GRXCR2: variants seen among roughly 807,000 people sequenced by gnomAD.
GRXCR2 encodes the protein glutaredoxin and cysteine rich domain containing 2.
GRXCR2 carries 23 observed loss-of-function variants against 24.8 expected under a neutral mutation model. The ratio of observed to expected loss-of-function variants is 0.93; its 90% CI spans 0.67 to 1.32. The LOEUF is 1.32. Ranked by LOEUF, GRXCR2 falls within the 40% of genes most tolerant of loss-of-function variation. The pLI is 0.00. For missense variants in GRXCR2, 315 were observed against 303.4 expected (o/e 1.04, Z -0.28); for synonymous variants, 130 against 116.1 (o/e 1.12, Z -0.77).
At chr5:145,925,841 GA>G (rs907263391) in intron 2 of GRXCR2, among the ~76,000 whole-genome samples, 3 of 151,740 alleles carry the variant, frequency 2.0e-5, no homozygotes, top group African/African-American at 4.8e-5. Context: ...TTTAATAAGG[GA>G]AAAAAATTTG....
At chr5:145,893,699 C>G (rs1309075492) in intron 2 of GRXCR2, among the ~76,000 whole-genome samples, 7 of 152,094 alleles carry the variant, frequency 4.6e-5, no homozygotes, top group Non-Finnish European at 7.3e-5. Context: ...CTTTAACACC[C>G]CACTGTCAAC....
At chr5:145,874,145 A>G (rs906608181), upstream of GRXCR2, among the ~76,000 whole-genome samples, 3 of 152,126 alleles carry the variant, frequency 2.0e-5, no homozygotes. Flanking sequence ...GAGTTACCCA[A>G]ATTGACCCCT....
intron 2 of GRXCR2, among the ~76,000 whole-genome samples, chr5:145,892,380 C>T (rs545641893): frequency 6.6e-6 from 1 of 152,028 alleles, no homozygotes; most frequent in African/African-American, 2.4e-5. Flanking sequence ...AGTTAAAGAC[C>T]TTGAAAAAAA....
intron 2 of GRXCR2, among the ~76,000 whole-genome samples, chr5:145,915,276 T>A (rs1327981847): frequency 1.3e-5 from 2 of 152,146 alleles, no homozygotes; most frequent in Admixed American, 1.3e-4. Context: ...GAATGGTTAT[T>A]TTTGGGTAGT....
chr5:145,911,269 T>C (rs1205801063), intron 2 of GRXCR2, among the ~76,000 whole-genome samples: 1 of 152,154 alleles, frequency 6.6e-6, no homozygotes, highest in Non-Finnish European at 1.5e-5. Context: ...CTTGCTTAAA[T>C]CAGAGAAGAT....
chr5:145,921,031 A>C (rs1428054666), intron 2 of GRXCR2, among the ~76,000 whole-genome samples: 1 of 152,240 alleles, frequency 6.6e-6, no homozygotes, highest in Non-Finnish European at 1.5e-5. Context: ...GTTGTTTATA[A>C]GCCACCCAGT....
intron 2 of GRXCR2, among the ~76,000 whole-genome samples, chr5:145,929,324 G>A (rs1490228756): frequency 1.3e-5 from 2 of 150,942 alleles, no homozygotes; most frequent in Non-Finnish European, 2.9e-5. Context: ...ATACATATCT[G>A]TTATGTTACA....
At chr5:145,877,912 G>A (rs1756643655), upstream of GRXCR2, among the ~76,000 whole-genome samples, 1 of 152,260 alleles carries the variant, frequency 6.6e-6, no homozygotes, top group Non-Finnish European at 1.5e-5. Context: ...AGGGTCTGGA[G>A]TGGACCTCCA....
At chr5:145,925,861 G>A (rs1757387260) in intron 2 of GRXCR2, among the ~76,000 whole-genome samples, 1 of 151,936 alleles carries the variant, frequency 6.6e-6, no homozygotes, top group South Asian at 2.1e-4. Flanking sequence ...TGTTTCTCCT[G>A]TATTTCACAT....
At chr5:145,922,744 C>G (rs192567073) in intron 2 of GRXCR2, among the ~76,000 whole-genome samples, 2 of 152,222 alleles carry the variant, frequency 1.3e-5, no homozygotes, top group Non-Finnish European at 1.5e-5. Context: ...AGAAGCATTT[C>G]AAGGCTACAG....
chr5:145,923,379 T>C (rs1289102226), intron 2 of GRXCR2, among the ~76,000 whole-genome samples: 1 of 152,204 alleles, frequency 6.6e-6, no homozygotes, highest in Non-Finnish European at 1.5e-5. Flanking sequence ...CTGTATGCAA[T>C]ATATTTCTAA....
chr5:145,887,838 G>A (rs58922047), intron 2 of GRXCR2, among the ~76,000 whole-genome samples: 1,526 of 152,220 alleles, frequency 0.01, 33 homozygotes, highest in African/African-American at 0.035. Flanking sequence ...TTCAGAAAGC[G>A]TTTGTAGCCA....
intron 2 of GRXCR2, among the ~76,000 whole-genome samples, chr5:145,900,667 G>A (rs1376845125): frequency 6.6e-6 from 1 of 152,172 alleles, no homozygotes; most frequent in East Asian, 1.9e-4. Context: ...GCAGAGAAAA[G>A]GGAATGCTTA....
chr5:145,883,673 G>A (rs1210597269), intron 2 of GRXCR2, among the ~76,000 whole-genome samples: 5 of 152,068 alleles, frequency 3.3e-5, no homozygotes, highest in African/African-American at 9.7e-5. Context: ...CAGGTGGCTC[G>A]CTTGAGCCCA....
chr5:145,889,172 A>AGAGAAAG (rs1756820943), intron 2 of GRXCR2, among the ~76,000 whole-genome samples: 1 of 83,984 alleles, frequency 1.2e-5, no homozygotes, highest in Non-Finnish European at 2.3e-5. Flanking sequence ...CTGTCTCAAA[A>AGAGAAAG]AAAGAAAGAA....
At chr5:145,890,907 C>T (rs73308171) in intron 2 of GRXCR2, among the ~76,000 whole-genome samples, 7,699 of 150,724 alleles carry the variant, frequency 0.051, 581 homozygotes, top group African/African-American at 0.16. Context: ...CACCCATAGG[C>T]TCAAAATAAA....
intron 1 of GRXCR2, among the ~76,000 whole-genome samples, chr5:145,871,191 C>G (rs1561677831): frequency 6.6e-6 from 1 of 152,154 alleles, no homozygotes; most frequent in Non-Finnish European, 1.5e-5. Flanking sequence ...TGAACTGTGA[C>G]TTTGTAAATT....
At chr5:145,875,103 C>T (rs1368587416), upstream of GRXCR2, among the ~76,000 whole-genome samples, 1 of 152,222 alleles carries the variant, frequency 6.6e-6, no homozygotes, top group Non-Finnish European at 1.5e-5. Flanking sequence ...ATCTTGCAGT[C>T]AGAAGTTGTC....
At chr5:145,901,087 G>A (rs1200146378) in intron 2 of GRXCR2, among the ~76,000 whole-genome samples, 1 of 150,796 alleles carries the variant, frequency 6.6e-6, no homozygotes, top group African/African-American at 2.4e-5. Flanking sequence ...GTAAGTGGAA[G>A]GTAAATATCA....
Sources: gnomAD v4.1 joint callset for allele counts (sites outside exome capture counted in the v4.1 genomes callset) on GRCh38, gnomAD v4.1.1 for gene constraint, MANE v1.5 for transcripts, NCBI Gene and HGNC (gene_info 2026-07-23, HGNC 2026-07-21) for gene names.